PLLP: variants seen among roughly 807,000 people sequenced by gnomAD.
The protein encoded by PLLP is plasma membrane proteolipid (plasmolipin).
In PLLP, 15 loss-of-function variants were observed where a neutral mutation model predicts 19.7. The ratio of observed to expected loss-of-function variants is 0.76; its 90% CI spans 0.51 to 1.17. PLLP has a LOEUF of 1.17. PLLP is among the 50% of genes most tolerant of loss of function. PLLP has a pLI of 0.00. For missense variants in PLLP, 255 were observed against 258.3 expected, an observed-to-expected ratio of 0.99 and a Z score of 0.09; for synonymous variants, 111 against 116.3, an observed-to-expected ratio of 0.95 and a Z score of 0.29.
chr16:57,268,147 C>T (rs1405425515), intron 1 of PLLP, among the ~76,000 whole-genome samples: 2 of 152,182 alleles, frequency 1.3e-5, no homozygotes, highest in Non-Finnish European at 2.9e-5. Flanking sequence ...CAGACTCTCC[C>T]TCAGAGCCCC....
In PLLP at chr16:57,284,625, C is replaced by A; in HGVS notation, c.-85G>T. ...GGTGCCGGCTCCCGCGCCGCTTTTCCCCCAGGCTCCGGATCCCTGTGTGGC... is the reference window on the plus strand; with the variant it reads ...GGTGCCGGCTCCCGCGCCGCTTTTCACCCAGGCTCCGGATCCCTGTGTGGC... On this transcript the variant is annotated 5_prime_UTR_variant, in exon 1 of 4. Transcript: ENST00000219207. 3.3e-6 allele frequency: 4 copies of A among 1,226,344 alleles called. No individual in the cohort carries two copies. Among genetic ancestry groups the A allele is most frequent in the Non-Finnish European group, 4.1e-6 (4 of 965,858 alleles). The allele number at this position is 1,226,344 out of a possible 1,614,324, so 76.0% of individuals were successfully genotyped here.
intron 1 of PLLP, among the ~76,000 whole-genome samples, chr16:57,270,899 T>C (rs66514732): frequency 0.45 from 68,792 of 151,956 alleles, 15,947 homozygotes; most frequent in South Asian, 0.7. Context: ...GCATGTAAGT[T>C]GCCAAACGGA....
At chr16:57,281,078 A>T (rs892371767) in intron 1 of PLLP, among the ~76,000 whole-genome samples, 1 of 152,148 alleles carries the variant, frequency 6.6e-6, no homozygotes, top group Non-Finnish European at 1.5e-5. Context: ...GGAGAAGCAC[A>T]TCCTCTGGGC....
chr16:57,272,754 C>A (rs758856766), intron 1 of PLLP, among the ~76,000 whole-genome samples: 1 of 151,734 alleles, frequency 6.6e-6, no homozygotes, highest in Non-Finnish European at 1.5e-5. Flanking sequence ...GAATTTGAGA[C>A]CAGCCTGGGC....
rs912796290 is a variant in PLLP, at chr16:57,256,834, A to G, written c.*79T>C. On this transcript the variant is annotated 3_prime_UTR_variant, in exon 4 of 4. Coordinates refer to ENST00000219207, the MANE Select transcript of PLLP (RefSeq NM_015993.3). ...GGGCTGACTCCACGCAGGGCTCCCC[A>G]GCTTCAGGCTTGCAGGGTGACCCTG... 2.0e-5 allele frequency: 19 copies of G among 942,282 alleles called. No homozygotes were observed. The highest frequency in any genetic ancestry group is 5.4e-5 in the Admixed American group (3 of 55,250). 58.4% of individuals were successfully genotyped at this position (942,282 alleles called of 1,614,324 possible).
chr16:57,263,611 T>C (rs1161152727), intron 1 of PLLP, among the ~76,000 whole-genome samples: 3 of 152,152 alleles, frequency 2.0e-5, no homozygotes, highest in Admixed American at 2.0e-4. Flanking sequence ...CTATGCAGAC[T>C]GTCTCAGGGT....
At chr16:57,273,309 CAG>C (rs774811615) in intron 1 of PLLP, among the ~76,000 whole-genome samples, 15 of 152,014 alleles carry the variant, frequency 9.9e-5, no homozygotes, top group Admixed American at 4.6e-4. Context: ...CACCCTCACA[CAG>C]AGTGGCAGAT....
chr16:57,258,523 G>A lies in PLLP; in HGVS notation c.371C>T (p.Ala124Val), dbSNP rs151154545. 4.3e-4 allele frequency: 688 copies of A among 1,613,156 alleles called. 3 individuals are homozygous for A. In the African/African-American group the frequency reaches 7.5e-3, roughly 18 times the overall value. ...LYITAFIACS[A>V]AVDLTSLRGT... is the part of the protein sequence containing the mutation. ...CCTCAGGGATGTCAGGTCAACTGCC[G>A]CAGAGCAGGCGATGAAGGCGGTGAT... Residue 124 changes from alanine to valine, a missense_variant, in exon 3 of 4, where the codon GCG (alanine) becomes GTG (valine). By Grantham distance (64) the Ala-to-Val change is moderately conservative. Coordinates refer to ENST00000219207, the MANE Select transcript of PLLP (RefSeq NM_015993.3).
intron 1 of PLLP, among the ~76,000 whole-genome samples, chr16:57,279,722 G>C (rs186652493): frequency 1.3e-4 from 19 of 151,058 alleles, no homozygotes; most frequent in African/African-American, 4.4e-4. Flanking sequence ...ACCCAGGCTA[G>C]AGTGCAGTGA....
intron 3 of PLLP, 115 bp downstream of exon 3, chr16:57,258,347 T>G: frequency 9.7e-7 from 1 of 1,032,248 alleles, no homozygotes; most frequent in South Asian, 1.5e-5. Context: ...CACTGAGTGT[T>G]CAGGTGACAA....
chr16:57,258,962 T>C (rs1028923806), intron 2 of PLLP, among the ~76,000 whole-genome samples: 1 of 144,840 alleles, frequency 6.9e-6, no homozygotes, highest in East Asian at 2.0e-4. Flanking sequence ...AGACCAACGG[T>C]TGGGGCTTCT....
chr16:57,271,996 G>A (rs1364104278), intron 1 of PLLP, among the ~76,000 whole-genome samples: 2 of 152,038 alleles, frequency 1.3e-5, no homozygotes, highest in Non-Finnish European at 2.9e-5. Flanking sequence ...CAACCACACA[G>A]AGCATTCCCA....
intron 1 of PLLP, among the ~76,000 whole-genome samples, chr16:57,270,310 CT>C (rs1425848154): frequency 7.1e-6 from 1 of 140,720 alleles, no homozygotes; most frequent in African/African-American, 2.7e-5. Context: ...TCCCCAGCCC[CT>C]GAGTCCATCC....
In PLLP at chr16:57,275,415, T is replaced by A. The variant is rs1901137409; in HGVS notation, c.135+8991A>T. 2.0e-5 allele frequency among the ~76,000 whole-genome samples: 3 copies of A among 152,050 alleles called. No homozygotes were observed. The South Asian group carries it at 6.2e-4, about 32-fold the overall frequency. ...GCTAATTTTAAAAAGGAAACTTAAATCACTAGGAAGTGGGAAACCTGTATT... is the reference window on the plus strand; with the variant it reads ...GCTAATTTTAAAAAGGAAACTTAAAACACTAGGAAGTGGGAAACCTGTATT... On this transcript the variant is annotated intron_variant, in intron 1 of 3. Transcript: ENST00000219207.
At chr16:57,257,102 C>A in intron 3 of PLLP, 73 bp from the exon 4 acceptor site, 2 of 1,072,910 alleles carry the variant, frequency 1.9e-6, no homozygotes, top group South Asian at 1.3e-5. Context: ...GATCTCAGGC[C>A]AGGCAGGAGG....
intron 1 of PLLP, among the ~76,000 whole-genome samples, chr16:57,276,145 G>A (rs1257506970): frequency 6.6e-6 from 1 of 152,000 alleles, no homozygotes; most frequent in African/African-American, 2.4e-5. Context: ...TTTTTAAAAG[G>A]TCAACCTCAC....
chr16:57,262,972 G>A (rs912744315), intron 1 of PLLP, among the ~76,000 whole-genome samples: 3 of 152,222 alleles, frequency 2.0e-5, no homozygotes, highest in African/African-American at 7.2e-5. Context: ...CGAGCTCCAC[G>A]AGGGCACAGC....
At chr16:57,282,085 C>T (rs1338668683) in intron 1 of PLLP, among the ~76,000 whole-genome samples, 1 of 145,510 alleles carries the variant, frequency 6.9e-6, no homozygotes, top group Non-Finnish European at 1.5e-5. Flanking sequence ...CCCCACCCAT[C>T]CCAACCCCAA....
intron 1 of PLLP, among the ~76,000 whole-genome samples, chr16:57,265,943 T>G (rs2075455688): frequency 6.6e-6 from 1 of 152,128 alleles, no homozygotes; most frequent in African/African-American, 2.4e-5. Flanking sequence ...GGAGGATCAA[T>G]GGAGCCTGGG....
Sources: gnomAD v4.1 joint callset for allele counts (sites outside exome capture counted in the v4.1 genomes callset) on GRCh38, gnomAD v4.1.1 for gene constraint, MANE v1.5 for transcripts, NCBI Gene and HGNC (gene_info 2026-07-23, HGNC 2026-07-21) for gene names.